SMIM36: variants seen among roughly 807,000 people sequenced by gnomAD.
SMIM36 encodes small integral membrane protein 36.
chr17:55,523,194 A>G, the SMIM36 span, among the ~76,000 whole-genome samples: 1 of 152,156 alleles, frequency 6.6e-6, no homozygotes, highest in East Asian at 1.9e-4. Context: ...AGAGGAAATG[A>G]GACCACACAG....
At chr17:55,465,175 G>A (rs557316251) in intron 4 of SMIM36, among the ~76,000 whole-genome samples, 1 of 152,254 alleles carries the variant, frequency 6.6e-6, no homozygotes, top group South Asian at 2.1e-4. Flanking sequence ...ATTAAAATTG[G>A]AGACTGTTCA....
At chr17:55,494,928 T>C (rs953320924) in intron 1 of SMIM36, among the ~76,000 whole-genome samples, 2 of 152,178 alleles carry the variant, frequency 1.3e-5, no homozygotes, top group Non-Finnish European at 2.9e-5. Context: ...GCCTAAAATA[T>C]ATAAAGTTGG....
chr17:55,497,104 A>T (rs919702245), intron 1 of SMIM36, among the ~76,000 whole-genome samples: 1 of 151,992 alleles, frequency 6.6e-6, no homozygotes, highest in African/African-American at 2.4e-5. Flanking sequence ...TGAACCCCAT[A>T]ATATCTTTCC....
At chr17:55,470,008 C>T (rs1321816218) in intron 3 of SMIM36, among the ~76,000 whole-genome samples, 3 of 151,938 alleles carry the variant, frequency 2.0e-5, no homozygotes, top group Non-Finnish European at 4.4e-5. Context: ...AAAACCACAA[C>T]TTCAAAACAC....
chr17:55,501,602 C>A (rs1304994349), intron 1 of SMIM36, among the ~76,000 whole-genome samples: 1 of 130,876 alleles, frequency 7.6e-6, no homozygotes. Flanking sequence ...TATATAAAAT[C>A]AGTGTATATA....
intron 1 of SMIM36, among the ~76,000 whole-genome samples, chr17:55,495,213 T>C (rs1037577175): frequency 3.3e-5 from 5 of 152,194 alleles, no homozygotes; most frequent in African/African-American, 1.2e-4. Flanking sequence ...AGCAACAAAA[T>C]TGGAGTACAC....
At chr17:55,527,172 G>C in the SMIM36 span, 2 of 152,046 alleles carry the variant, frequency 1.3e-5, no homozygotes, top group East Asian at 1.9e-4. Flanking sequence ...TCTTCAAAAA[G>C]GATTTTTACT....
intron 3 of SMIM36, among the ~76,000 whole-genome samples, chr17:55,473,182 C>G (rs1157253298): frequency 6.6e-6 from 1 of 152,006 alleles, no homozygotes; most frequent in Non-Finnish European, 1.5e-5. Flanking sequence ...CTCCTGCAGC[C>G]CCTCATCTCC....
chr17:55,489,120 G>C (rs1167742618), intron 1 of SMIM36, among the ~76,000 whole-genome samples: 1 of 152,218 alleles, frequency 6.6e-6, no homozygotes, highest in Non-Finnish European at 1.5e-5. Flanking sequence ...ACTCACGCCT[G>C]TAATCCCAGC....
the SMIM36 span, among the ~76,000 whole-genome samples, chr17:55,523,864 T>C: frequency 1.3e-5 from 2 of 152,198 alleles, no homozygotes; most frequent in Non-Finnish European, 2.9e-5. Flanking sequence ...GTTTCAAGTT[T>C]TGAGGATAAC....
chr17:55,466,807 T>C (rs992715483), intron 4 of SMIM36, among the ~76,000 whole-genome samples: 6 of 152,266 alleles, frequency 3.9e-5, no homozygotes, highest in African/African-American at 1.4e-4. Flanking sequence ...TGCCAAGGGC[T>C]GGAAGCCAAA....
chr17:55,487,507 C>G (rs1257904697), intron 1 of SMIM36, among the ~76,000 whole-genome samples: 2 of 151,918 alleles, frequency 1.3e-5, no homozygotes, highest in African/African-American at 4.8e-5. Context: ...TCTGAAGTTG[C>G]CAGCAAAAAT....
the SMIM36 span, among the ~76,000 whole-genome samples, chr17:55,531,409 G>C: frequency 1.3e-5 from 2 of 152,096 alleles, no homozygotes; most frequent in South Asian, 4.1e-4. Flanking sequence ...GTCTTGGCCT[G>C]GTGTATATAC....
chr17:55,512,065 C>A (rs1467615318), upstream of SMIM36, among the ~76,000 whole-genome samples: 2 of 152,132 alleles, frequency 1.3e-5, no homozygotes, highest in East Asian at 3.9e-4. Context: ...CAGTGGAAAT[C>A]AGTTTATAAG....
At chr17:55,499,540 G>C in intron 1 of SMIM36, among the ~76,000 whole-genome samples, 1 of 152,128 alleles carries the variant, frequency 6.6e-6, no homozygotes, top group East Asian at 1.9e-4. Flanking sequence ...AAAGTATCTG[G>C]CACGTAGCGA....
At chr17:55,486,135 A>G (rs1185851055) in intron 1 of SMIM36, among the ~76,000 whole-genome samples, 2 of 151,466 alleles carry the variant, frequency 1.3e-5, no homozygotes, top group Admixed American at 6.6e-5. Context: ...CCCGGGTTCA[A>G]GTGATTCTCC....
At chr17:55,501,409 TATTATAAAATATAA>T (rs1909969767) in intron 1 of SMIM36, among the ~76,000 whole-genome samples, 1 of 21,482 alleles carries the variant, frequency 4.7e-5, no homozygotes, top group Non-Finnish European at 6.7e-5. Context: ...TATTATTATA[TATTATAAAATATAA>T]TATATTATTA....
chr17:55,456,144 A>G (rs1909019099), intron 4 of SMIM36, among the ~76,000 whole-genome samples: 1 of 147,852 alleles, frequency 6.8e-6, no homozygotes, highest in Admixed American at 6.8e-5. Flanking sequence ...AAAAAAAAAA[A>G]AGGATCATTT....
chr17:55,502,483 G>A lies in SMIM36; in HGVS notation c.*174+8396C>T, dbSNP rs1910011006. Reference sequence around the variant, plus strand: ...GGGCACACTGACACCTCACACGGCAGGGTATTCCAACAGACCTGCAGCTGA... The same window carrying A: ...GGGCACACTGACACCTCACACGGCAAGGTATTCCAACAGACCTGCAGCTGA... On this transcript the variant is annotated intron_variant, in intron 1 of 4. Coordinates refer to ENST00000636752, the Ensembl canonical transcript of SMIM36. Among the ~76,000 whole-genome samples, 4 of 108,486 alleles carry A rather than the reference G, an allele frequency of 3.7e-5. No homozygotes were observed. The South Asian group carries it at 1.2e-3, about 34-fold the overall frequency. The allele number at this position is 108,486 out of a possible 152,430, so 71.2% of individuals were successfully genotyped here. A position where few individuals can be genotyped will look rare whatever the true frequency, so the allele number is the denominator to read the frequency against.
Sources: allele counts gnomAD v4.1 joint callset (sites outside exome capture counted in the v4.1 genomes callset), GRCh38; gene constraint gnomAD v4.1.1; transcripts MANE v1.5; gene names NCBI Gene and HGNC (gene_info 2026-07-23, HGNC 2026-07-21).